LYST: variants seen among roughly 807,000 people sequenced by gnomAD.
LYST encodes the protein lysosomal-trafficking regulator.
A neutral mutation model predicts 413.6 loss-of-function variants in LYST; 192 were observed. The ratio of observed to expected loss-of-function variants is 0.46; its 90% CI spans 0.41 to 0.52. LYST has a LOEUF of 0.52. Ranked by LOEUF, LYST falls within the 20% of genes least tolerant of loss-of-function variation. The pLI, the probability that LYST is intolerant of heterozygous loss-of-function variation, is 0.00. For synonymous variants in LYST, 1,525 were observed against 1,567.3 expected (o/e 0.97, Z 0.64); for missense variants, 3,815 against 4,499.9 (o/e 0.85, Z 4.35).
At chr1:235,875,807 C>G (rs1449810816) in intron 1 of LYST, among the ~76,000 whole-genome samples, 1 of 152,140 alleles carries the variant, frequency 6.6e-6, no homozygotes, top group South Asian at 2.1e-4. Flanking sequence ...GTACTCAAGC[C>G]TGGGTGACAG....
At chr1:235,697,879 GA>G (rs1239768337) in intron 45 of LYST, among the ~76,000 whole-genome samples, 1 of 152,178 alleles carries the variant, frequency 6.6e-6, no homozygotes, top group Non-Finnish European at 1.5e-5. Flanking sequence ...AATTGTCAGT[GA>G]AAAATAAAAG....
intron 1 of LYST, among the ~76,000 whole-genome samples, chr1:235,837,596 C>G (rs527911495): frequency 8.7e-5 from 13 of 148,980 alleles, no homozygotes; most frequent in African/African-American, 3.2e-4. Context: ...CACCGCATAC[C>G]AGCCTGGGTA....
chr1:235,759,275 C>A lies in LYST; in HGVS notation c.6578G>T (p.Gly2193Val). ...AQVSVSDVPK[G>V]VLGFPVVKAD... ...TTTGACCACTGGAAATCCCAGCACT[C>A]CCTTTGGGACATCACTGACAGAGAC... Residue 2193 changes from glycine (G) to valine (V), a missense_variant, in exon 23 of 53, where the codon GGA (glycine) becomes GTA (valine). Gly to Val is a moderately radical substitution (Grantham distance 109). Around this residue, in one of 4 missense-constraint regions of LYST, gnomAD observed 771 missense variants for 837.1 expected, o/e 0.92. Transcript: ENST00000389793. 6.2e-7 allele frequency: 1 copy of A among 1,614,184 alleles called. No individual in the cohort carries two copies. Among genetic ancestry groups the A allele is most frequent in the East Asian group, 2.2e-5 (1 of 44,882 alleles).
At position 235,664,398 on chromosome 1, in the gene LYST, A is replaced by T. The variant is rs1227362027; in HGVS notation, c.11195+67T>A. ...ATATTAATATGCCTAGATATTAAAA[A>T]TTAATTTCTGAAACTCCTGTGTCCT... On this transcript the variant is annotated intron_variant, in intron 51 of 52. Transcript: ENST00000389793. The surrounding 1 kb of genome is among the most constrained non-coding windows in gnomAD (Gnocchi z 4.5). 18 of 1,472,718 alleles carry T rather than the reference A, an allele frequency of 1.2e-5. No homozygotes were observed. Among genetic ancestry groups the T allele is most frequent in the Non-Finnish European group, 1.6e-5 (17 of 1,055,174 alleles). The allele number at this position is 1,472,718 out of a possible 1,614,324, so 91.2% of individuals were successfully genotyped here. A position where few individuals can be genotyped will look rare whatever the true frequency, so the allele number is the denominator to read the frequency against.
At chr1:235,702,054 A>G (rs1215896935) in intron 45 of LYST, among the ~76,000 whole-genome samples, 5 of 151,728 alleles carry the variant, frequency 3.3e-5, no homozygotes, top group African/African-American at 1.2e-4. Context: ...GTCCTTTACA[A>G]CGTCTTTCCC....
chr1:235,845,946 T>C (rs1021639992), intron 1 of LYST, among the ~76,000 whole-genome samples: 7 of 152,012 alleles, frequency 4.6e-5, no homozygotes, highest in Non-Finnish European at 8.8e-5. Flanking sequence ...TTGGGAGTTC[T>C]AGGGCCCTGC....
chr1:235,697,003 G>C, intron 46 of LYST, 80 bp downstream of exon 46: 1 of 1,372,656 alleles, frequency 7.3e-7, no homozygotes, highest in East Asian at 2.4e-5. Flanking sequence ...AGGACTCAAA[G>C]TAGCAGCACA....
chr1:235,787,077 T>G, intron 14 of LYST, 123 bp downstream of exon 14: 1 of 714,448 alleles, frequency 1.4e-6, no homozygotes, highest in Non-Finnish European at 2.3e-6. Flanking sequence ...ACAAAAAATA[T>G]AGTAAATTTT....
At chr1:235,851,507 C>G (rs2103101816) in intron 1 of LYST, among the ~76,000 whole-genome samples, 1 of 152,034 alleles carries the variant, frequency 6.6e-6, no homozygotes, top group South Asian at 2.1e-4. Context: ...CACTAAATAA[C>G]TTATTCATGT....
chr1:235,845,409 C>G (rs1016001328), intron 1 of LYST, among the ~76,000 whole-genome samples: 1 of 152,150 alleles, frequency 6.6e-6, no homozygotes, highest in Non-Finnish European at 1.5e-5. Context: ...GCTAGAGGAG[C>G]AGGGGGTAAA....
At chr1:235,771,921 T>G (rs1215225721) in intron 19 of LYST, among the ~76,000 whole-genome samples, 4 of 144,714 alleles carry the variant, frequency 2.8e-5, no homozygotes, top group African/African-American at 7.6e-5. Flanking sequence ...TAGTTTGTTT[T>G]TTTTTTTTTT....
intron 45 of LYST, among the ~76,000 whole-genome samples, chr1:235,700,548 C>A (rs1276724174): frequency 6.6e-6 from 1 of 152,166 alleles, no homozygotes; most frequent in Admixed American, 6.5e-5. Flanking sequence ...CCTGGGTCAT[C>A]CAGATGACCC....
At chr1:235,795,816 A>G (rs1256264038) in intron 10 of LYST, among the ~76,000 whole-genome samples, 1 of 152,182 alleles carries the variant, frequency 6.6e-6, no homozygotes, top group Non-Finnish European at 1.5e-5. Flanking sequence ...AGTAAAAATA[A>G]TATTTAAAAA....
chr1:235,731,217 C>G, intron 34 of LYST, 40 bp from the exon 35 acceptor site: 1 of 1,589,110 alleles, frequency 6.3e-7, no homozygotes, highest in Non-Finnish European at 8.6e-7. Context: ...AAGTGACCAT[C>G]CAGGACTTGT....
upstream of LYST, among the ~76,000 whole-genome samples, chr1:235,867,558 A>C (rs534822242): frequency 6.6e-6 from 1 of 152,266 alleles, no homozygotes; most frequent in Admixed American, 6.5e-5. Context: ...CTGTTCAAAC[A>C]CGGTTTGTAT....
intron 52 of LYST, among the ~76,000 whole-genome samples, chr1:235,663,383 A>G (rs570264915): frequency 6.6e-6 from 1 of 152,290 alleles, no homozygotes; most frequent in East Asian, 1.9e-4. Flanking sequence ...TAAACAACAA[A>G]TATTTGGGTG....
At chr1:235,704,246 A>G (rs191355790) in intron 44 of LYST, among the ~76,000 whole-genome samples, 86 of 152,170 alleles carry the variant, frequency 5.7e-4, no homozygotes, top group Non-Finnish European at 1.0e-3. Flanking sequence ...CGGTAGAATG[A>G]TTTACATTCT....
At chr1:235,723,024 C>T (rs1663523570) in intron 39 of LYST, among the ~76,000 whole-genome samples, 1 of 151,942 alleles carries the variant, frequency 6.6e-6, no homozygotes, top group South Asian at 2.1e-4. Flanking sequence ...GCAGTGGAAG[C>T]AGTCAGACTC....
intron 37 of LYST, 84 bp from the exon 38 acceptor site, chr1:235,728,215 T>C: frequency 3.1e-6 from 3 of 980,844 alleles, no homozygotes; most frequent in South Asian, 1.3e-5. Flanking sequence ...TCTGGAGTCC[T>C]TTGGTCTGAA....
Sources: allele counts gnomAD v4.1 joint callset (sites outside exome capture counted in the v4.1 genomes callset), GRCh38; gene constraint gnomAD v4.1.1; regional missense constraint gnomAD v4.1.1; non-coding constraint Gnocchi (gnomAD v3.1); transcripts MANE v1.5; gene names NCBI Gene and HGNC (gene_info 2026-07-23, HGNC 2026-07-21).